FRYL: variants seen among roughly 807,000 people sequenced by gnomAD.
FRYL encodes protein furry homolog-like.
FRYL carries 150 observed loss-of-function variants against 351.2 expected under a neutral mutation model. The observed-to-expected ratio is 0.43, with a 90% CI of 0.37 to 0.49. FRYL has a LOEUF of 0.49. Ranked by LOEUF, FRYL falls within the 20% of genes least tolerant of loss-of-function variation. The pLI is 0.00. For synonymous variants in FRYL, 1,153 were observed against 1,257.1 expected (o/e 0.92, Z 1.75); for missense variants, 3,036 against 3,619.3 (o/e 0.84, Z 4.13).
chr4:48,533,633 T>C (rs1728190292), intron 49 of FRYL, among the ~76,000 whole-genome samples: 1 of 152,200 alleles, frequency 6.6e-6, no homozygotes, highest in Non-Finnish European at 1.5e-5. Context: ...GCTTGTTCTC[T>C]TTGGTGAGTT....
intron 25 of FRYL, 75 bp downstream of exon 25, chr4:48,575,042 T>C: frequency 1.3e-6 from 2 of 1,488,108 alleles, no homozygotes; most frequent in Non-Finnish European, 1.8e-6. Flanking sequence ...CCACACCTTC[T>C]AAGGACCCTA....
At position 48,650,548 on chromosome 4, in the gene FRYL, G is replaced by A. The variant is rs147384052; in HGVS notation, c.-80-16058C>T. Among the ~76,000 whole-genome samples the A allele has an allele frequency of 4.6e-3, 704 of 152,294 alleles. 2 individuals carry two copies. Among genetic ancestry groups the A allele is most frequent in the Non-Finnish European group, 7.2e-3 (493 of 68,022 alleles). On this transcript the variant is annotated intron_variant, in intron 3 of 63. Transcript: ENST00000358350. ...TTGAAAGAGGAGTAAAAATCATTGCGATGCAGGCAGAGAGATGAGAGGGTA... is the reference window on the plus strand; with the variant it reads ...TTGAAAGAGGAGTAAAAATCATTGCAATGCAGGCAGAGAGATGAGAGGGTA...
chr4:48,524,090 G>A (rs1725464973), intron 53 of FRYL, among the ~76,000 whole-genome samples: 1 of 151,384 alleles, frequency 6.6e-6, no homozygotes, highest in African/African-American at 2.4e-5. Context: ...GCCCTGATAT[G>A]ACAAACTATA....
rs1485410936 is a variant in FRYL at position 48,510,834 on chromosome 4, CT to C, written c.8295del (p.Leu2766Ter). 1 of 1,608,610 alleles carries C rather than the reference CT, an allele frequency of 6.2e-7. No homozygotes were observed. Among genetic ancestry groups the C allele is most frequent in the Non-Finnish European group, 8.5e-7 (1 of 1,177,488 alleles). ...TAATAAACCTGCATGTAAAAACTTA[CT>C]GTTTCAGCATCCACAAAGACTGTTG... The part of the protein sequence containing the change: ...ECPTVFVDAE[T>X]LMSCGLLETL... On this transcript the variant is annotated frameshift_variant and splice_region_variant, in exon 58 of 64. Coordinates refer to ENST00000358350, the MANE Select transcript of FRYL (RefSeq NM_015030.2). LOFTEE classifies it high-confidence loss of function.
intron 1 of FRYL, among the ~76,000 whole-genome samples, chr4:48,767,702 T>A (rs1397278409): frequency 6.6e-6 from 1 of 152,136 alleles, no homozygotes. Flanking sequence ...GGTACAAACT[T>A]TCAGTTTATA....
intron 10 of FRYL, 145 bp from the exon 11 acceptor site, chr4:48,605,978 G>A: frequency 1.7e-6 from 1 of 573,304 alleles, no homozygotes; most frequent in Non-Finnish European, 3.1e-6. Context: ...AAAGCTGGCT[G>A]GGTGCGGTGG....
chr4:48,764,632 CAAG>C (rs1349274634), intron 1 of FRYL, among the ~76,000 whole-genome samples: 2 of 151,860 alleles, frequency 1.3e-5, no homozygotes, highest in African/African-American at 4.8e-5. Flanking sequence ...ACAACAACAT[CAAG>C]AAGAATACTT....
At chr4:48,597,199 C>T (rs921991227) in intron 13 of FRYL, among the ~76,000 whole-genome samples, 1 of 152,008 alleles carries the variant, frequency 6.6e-6, no homozygotes, top group African/African-American at 2.4e-5. Flanking sequence ...TCTTTTCTAT[C>T]ATTTAAATAT....
intron 4 of FRYL, among the ~76,000 whole-genome samples, chr4:48,625,882 AT>A (rs1426889866): frequency 1.3e-5 from 2 of 152,340 alleles, no homozygotes; most frequent in South Asian, 4.1e-4. Context: ...GTTAATACAT[AT>A]AAATTTAAAA....
intron 1 of FRYL, among the ~76,000 whole-genome samples, chr4:48,742,866 G>A (rs1346052678): frequency 2.0e-5 from 3 of 151,694 alleles, no homozygotes; most frequent in Non-Finnish European, 4.4e-5. Context: ...GAGTGCAATG[G>A]TACAATCTTG....
At chr4:48,698,615 T>C (rs755317534) in intron 2 of FRYL, among the ~76,000 whole-genome samples, 9 of 152,244 alleles carry the variant, frequency 5.9e-5, no homozygotes, top group African/African-American at 9.6e-5. Context: ...AGCAGTTTAT[T>C]CAGATCAACA....
At chr4:48,599,410 T>C (rs898050384) in intron 13 of FRYL, among the ~76,000 whole-genome samples, 1 of 152,200 alleles carries the variant, frequency 6.6e-6, no homozygotes, top group Non-Finnish European at 1.5e-5. Context: ...TATGGGCATA[T>C]AGAGATAAAG....
At position 48,549,380 on chromosome 4, in the gene FRYL, CT is replaced by C; in HGVS notation, c.4784+92del. 2 of 1,156,216 alleles carry C rather than the reference CT, an allele frequency of 1.7e-6. No homozygotes were observed. Among genetic ancestry groups the C allele is most frequent in the South Asian group, 3.8e-5 (2 of 52,436 alleles). 71.6% of individuals were successfully genotyped at this position (1,156,216 alleles called of 1,614,324 possible). A position where few individuals can be genotyped will look rare whatever the true frequency, so the allele number is the denominator to read the frequency against. Reference sequence around the variant, plus strand: ...TGCAGTATCTCCATAAAGAAGATTGCTTTCATTCTGTGTTGTCAGATAGCAC... The same window carrying C: ...TGCAGTATCTCCATAAAGAAGATTGCTTCATTCTGTGTTGTCAGATAGCAC... On this transcript the variant is annotated intron_variant, in intron 39 of 63. Coordinates refer to ENST00000358350, the MANE Select transcript of FRYL (RefSeq NM_015030.2). The surrounding 1 kb of genome is among the most constrained non-coding windows in gnomAD (Gnocchi z 4.2).
intron 2 of FRYL, among the ~76,000 whole-genome samples, chr4:48,694,273 C>T (rs1205665750): frequency 1.3e-5 from 2 of 151,632 alleles, no homozygotes; most frequent in Non-Finnish European, 2.9e-5. Context: ...TAAAAAAATA[C>T]ATTTAAAAAA....
chr4:48,767,998 CT>C (rs1775143544), intron 1 of FRYL, among the ~76,000 whole-genome samples: 2 of 152,328 alleles, frequency 1.3e-5, no homozygotes, highest in East Asian at 3.9e-4. Flanking sequence ...CCTAAAACTG[CT>C]GCTTGGCCCT....
At chr4:48,779,611 C>A (rs1444203739) in intron 1 of FRYL, among the ~76,000 whole-genome samples, 2 of 152,002 alleles carry the variant, frequency 1.3e-5, no homozygotes. Flanking sequence ...GAGCCGTGGT[C>A]GCCGGTCTTC....
intron 24 of FRYL, among the ~76,000 whole-genome samples, 196 bp from the exon 25 acceptor site, chr4:48,575,437 T>A (rs1739395327): frequency 6.6e-6 from 1 of 152,210 alleles, no homozygotes; most frequent in Admixed American, 6.5e-5. Flanking sequence ...TGCAAGTTCA[T>A]TAACAGAACT....
rs776741130 is a variant in FRYL, at chr4:48,534,598, G to C, written c.6652C>G (p.Pro2218Ala). 12 of 1,612,246 alleles carry C rather than the reference G, an allele frequency of 7.4e-6. No homozygotes were observed. Among genetic ancestry groups the C allele is most frequent in the Non-Finnish European group, 1.0e-5 (12 of 1,178,796 alleles). ...LLSHIDLSAA[P>A]AKQFNLEIIK... Reference sequence around the variant, plus strand: ...ATCTCCAGATTAAACTGCTTGGCTGGGGCTGCAGACAGGTCAATATGACTC... The same window carrying C: ...ATCTCCAGATTAAACTGCTTGGCTGCGGCTGCAGACAGGTCAATATGACTC... Residue 2218 changes from proline (P) to alanine (A), a missense_variant, in exon 49 of 64, where the codon CCA (proline) becomes GCA (alanine). Coordinates refer to ENST00000358350, the MANE Select transcript of FRYL (RefSeq NM_015030.2).
intron 1 of FRYL, among the ~76,000 whole-genome samples, chr4:48,775,563 T>C (rs1200679302): frequency 2.6e-5 from 4 of 152,198 alleles, no homozygotes; most frequent in Non-Finnish European, 4.4e-5. Context: ...TCTCACCTAC[T>C]TCACCAGCCT....
Sources: allele counts gnomAD v4.1 joint callset (sites outside exome capture counted in the v4.1 genomes callset), GRCh38; gene constraint gnomAD v4.1.1; non-coding constraint Gnocchi (gnomAD v3.1); transcripts MANE v1.5; gene names NCBI Gene and HGNC (gene_info 2026-07-23, HGNC 2026-07-21).